CIT: variants seen among roughly 807,000 people sequenced by gnomAD.
CIT encodes citron rho-interacting serine/threonine kinase, also known as citron Rho-interacting kinase.
In CIT, 79 loss-of-function variants were observed where a neutral mutation model predicts 272.7. The ratio of observed to expected loss-of-function variants is 0.29; its 90% CI spans 0.24 to 0.35. CIT has a LOEUF of 0.35. Among genes scored for constraint, CIT ranks in the 10% least tolerant of loss-of-function variants. CIT has a pLI of 1.00. For synonymous variants in CIT, 948 were observed against 995.6 expected (o/e 0.95, Z 0.90); for missense variants, 1,909 against 2,618.3 (o/e 0.73, Z 5.91).
At chr12:119,826,831 A>G (rs923917731) in intron 7 of CIT, among the ~76,000 whole-genome samples, 3 of 152,210 alleles carry the variant, frequency 2.0e-5, no homozygotes, top group Non-Finnish European at 4.4e-5. Context: ...CTTTTCACCA[A>G]GGAAGTAAAT....
At chr12:119,717,838 C>CTGTTTTTTTTTTTTTTTTT (rs1957600227) in intron 32 of CIT, among the ~76,000 whole-genome samples, 1 of 81,332 alleles carries the variant, frequency 1.2e-5, no homozygotes, top group Non-Finnish European at 2.3e-5. Flanking sequence ...TGACTTCTTT[C>CTGTTTTTTTTTTTTTTTTT]TTTTTTTTTT....
chr12:119,690,524 G>A lies in CIT; in HGVS notation c.5883-70C>T. ...CAGAGGGGCATTTTCCTTCTTACCT[G>A]AGCAACCCCCTCCTTGACCCAGCCT... is the stretch of plus-strand genomic sequence containing the variant. On this transcript the variant is annotated intron_variant, in intron 46 of 47. Coordinates refer to ENST00000392521, the MANE Select transcript of CIT (RefSeq NM_001206999.2). This position sits in a 1 kb window ranked among gnomAD's most constrained non-coding sequence, Gnocchi z 6.0. 1 of 1,411,612 alleles carries A rather than the reference G, an allele frequency of 7.1e-7. No individual in the cohort carries two copies. The allele number at this position is 1,411,612 out of a possible 1,614,324, so 87.4% of individuals were successfully genotyped here.
intron 9 of CIT, among the ~76,000 whole-genome samples, chr12:119,814,668 C>A (rs945569994): frequency 6.6e-6 from 1 of 152,120 alleles, no homozygotes; most frequent in Non-Finnish European, 1.5e-5. Context: ...AAAACATGAC[C>A]AGATAACCCT....
intron 21 of CIT, 114 bp downstream of exon 21, chr12:119,758,477 C>A: frequency 4.2e-6 from 3 of 710,486 alleles, no homozygotes; most frequent in Non-Finnish European, 7.6e-6. Context: ...CTGGGCTGAG[C>A]TACAGAAGTC....
rs896950003 is a variant in CIT, at chr12:119,690,969, C to T, written c.5883-515G>A. Among the ~76,000 whole-genome samples, 5 of 152,210 alleles carry T rather than the reference C, an allele frequency of 3.3e-5. No individual in the cohort carries two copies. Among genetic ancestry groups the T allele is most frequent in the Middle Eastern group, 3.4e-3 (1 of 292 alleles). On this transcript the variant is annotated intron_variant, in intron 46 of 47. Coordinates refer to ENST00000392521, the MANE Select transcript of CIT (RefSeq NM_001206999.2). The surrounding 1 kb of genome is among the most constrained non-coding windows in gnomAD (Gnocchi z 6.0). Reference sequence around the variant, plus strand: ...CAGGTAGATCACGAGGTCAGGAGATCGAGGCCAGCCTGGCCAACATGGTGA... The same window carrying T: ...CAGGTAGATCACGAGGTCAGGAGATTGAGGCCAGCCTGGCCAACATGGTGA...
At chr12:119,861,231 C>T (rs1950326867) in intron 3 of CIT, among the ~76,000 whole-genome samples, 3 of 152,186 alleles carry the variant, frequency 2.0e-5, no homozygotes, top group South Asian at 2.1e-4. Flanking sequence ...TATCTAAGGG[C>T]CCAGTGGGCA....
In CIT at chr12:119,784,587, A is replaced by T. The variant is rs554382941; in HGVS notation, c.1401+373T>A. ...TAATCAACACAGTGGCCGCAGTGAC[A>T]TAAGCAGGAGTTTTAAAAGACTAGG... On this transcript the variant is annotated intron_variant, in intron 11 of 47. Transcript: ENST00000392521. The surrounding 1 kb of genome is among the most constrained non-coding windows in gnomAD (Gnocchi z 4.7). The T allele has an allele frequency of 1.4e-5, 17 of 1,178,942 alleles. No homozygotes were observed. Among genetic ancestry groups the T allele is most frequent in the Non-Finnish European group, 1.8e-5 (17 of 945,556 alleles). The allele number at this position is 1,178,942 out of a possible 1,614,324, so 73.0% of individuals were successfully genotyped here. A position where few individuals can be genotyped will look rare whatever the true frequency, so the allele number is the denominator to read the frequency against.
intron 30 of CIT, among the ~76,000 whole-genome samples, chr12:119,719,949 CT>C (rs1328830683): frequency 6.6e-6 from 1 of 152,164 alleles, no homozygotes; most frequent in Non-Finnish European, 1.5e-5. Flanking sequence ...TTGTTCAGTA[CT>C]TGGCAGAGGG....
At chr12:119,874,671 A>T (rs1051109090) in intron 2 of CIT, among the ~76,000 whole-genome samples, 2 of 152,114 alleles carry the variant, frequency 1.3e-5, no homozygotes, top group African/African-American at 4.8e-5. Context: ...AACTTTTTTT[A>T]AAATCTTAAA....
At chr12:119,843,671 A>G (rs899239264) in intron 5 of CIT, among the ~76,000 whole-genome samples, 2 of 152,046 alleles carry the variant, frequency 1.3e-5, no homozygotes, top group Non-Finnish European at 1.5e-5. Flanking sequence ...TTAGCTGGGC[A>G]TGGTGTTGCA....
At chr12:119,838,979 C>G (rs1198497354) in intron 5 of CIT, among the ~76,000 whole-genome samples, 1 of 152,230 alleles carries the variant, frequency 6.6e-6, no homozygotes, top group Non-Finnish European at 1.5e-5. Flanking sequence ...AGAGAAAGCA[C>G]AGCAGCTGAC....
chr12:119,753,326 C>T lies in CIT; in HGVS notation c.2707-1079G>A, dbSNP rs562601980. On this transcript the variant is annotated intron_variant, in intron 22 of 47. Transcript: ENST00000392521. ...TCCCTAGAAAAGGTGGCACCCACAT[C>T]CCGAAGCCCATAGGGGTGAAGAGAA... is the stretch of plus-strand genomic sequence containing the variant. 3.3e-3 allele frequency among the ~76,000 whole-genome samples: 498 copies of T among 152,264 alleles called. 2 individuals carry two copies. The highest frequency in any genetic ancestry group is 6.8e-3 in the Middle Eastern group (2 of 294).
chr12:119,823,045 G>C, intron 8 of CIT, 72 bp from the exon 9 acceptor site: 1 of 1,448,668 alleles, frequency 6.9e-7, no homozygotes, highest in Non-Finnish European at 9.3e-7. Context: ...AGTGAAGAAA[G>C]TATTTCTCAT....
rs10699099 is a variant in CIT at position 119,717,838 on chromosome 12, CTT to C, written c.4168+405_4168+406del. On this transcript the variant is annotated intron_variant, in intron 32 of 47. Transcript: ENST00000392521. Reference sequence around the variant, plus strand: ...GGGGAGCCAGGAGACTGACTTCTTTCTTTTTTTTTTTTTTTTTTTTGAGATGG... The same window carrying C: ...GGGGAGCCAGGAGACTGACTTCTTTCTTTTTTTTTTTTTTTTTTGAGATGG... 3.9e-4 allele frequency among the ~76,000 whole-genome samples: 32 copies of C among 81,350 alleles called. 2 individuals are homozygous for C. The highest frequency in any genetic ancestry group is 5.1e-4 in the South Asian group (1 of 1,968). 53.4% of individuals were successfully genotyped at this position (81,350 alleles called of 152,430 possible). A position where few individuals can be genotyped will look rare whatever the true frequency, so the allele number is the denominator to read the frequency against.
At chr12:119,744,753 T>C (rs1170063083) in intron 23 of CIT, among the ~76,000 whole-genome samples, 1 of 145,890 alleles carries the variant, frequency 6.9e-6, no homozygotes. Flanking sequence ...GATAACTGAG[T>C]CAAAAATTTT....
At chr12:119,822,216 T>C (rs558032145) in intron 9 of CIT, among the ~76,000 whole-genome samples, 3 of 152,350 alleles carry the variant, frequency 2.0e-5, no homozygotes, top group Admixed American at 6.5e-5. Flanking sequence ...AAAAAGAGCA[T>C]TGTGTGGTTT....
At chr12:119,699,827 T>A (rs965372428) in intron 44 of CIT, 2 of 456,112 alleles carry the variant, frequency 4.4e-6, no homozygotes, top group South Asian at 1.5e-5. Flanking sequence ...TGGCTTGTTA[T>A]GCAGCAAGAG....
chr12:119,764,476 C>T (rs1367646703), intron 19 of CIT, among the ~76,000 whole-genome samples: 3 of 151,884 alleles, frequency 2.0e-5, no homozygotes, highest in Non-Finnish European at 2.9e-5. Context: ...ATTACCCAGG[C>T]GTGGTGGCAT....
chr12:119,712,972 T>C lies in CIT; in HGVS notation c.4579+231A>G. On this transcript the variant is annotated intron_variant, in intron 35 of 47. Coordinates refer to ENST00000392521, the MANE Select transcript of CIT (RefSeq NM_001206999.2). The surrounding 1 kb of genome is among the most constrained non-coding windows in gnomAD (Gnocchi z 5.2). ...GAGGCAGAAGTTCTCGGAAGGTGTA[T>C]TAGCAGGTGGAATCTTCAGGGCAGC... 1 of 590,334 alleles carries C rather than the reference T, an allele frequency of 1.7e-6. No homozygotes were observed. Among genetic ancestry groups the C allele is most frequent in the Non-Finnish European group, 3.0e-6 (1 of 332,788 alleles). The allele number at this position is 590,334 out of a possible 1,614,324, so 36.6% of individuals were successfully genotyped here.
Sources: allele counts gnomAD v4.1 joint callset (sites outside exome capture counted in the v4.1 genomes callset), GRCh38; gene constraint gnomAD v4.1.1; non-coding constraint Gnocchi (gnomAD v3.1); transcripts MANE v1.5; gene names NCBI Gene and HGNC (gene_info 2026-07-23, HGNC 2026-07-21).